Variants in TLE4 observed in about 807,000 individuals in gnomAD.
TLE4 encodes transducin-like enhancer protein 4.
Under a neutral mutation model 92.8 loss-of-function variants are expected in TLE4, and 8 were observed. The observed-to-expected ratio is 0.09, with a 90% CI of 0.05 to 0.16. The LOEUF (loss-of-function observed/expected upper bound fraction) is 0.16, where lower values mean the gene tolerates loss of function less well. Among genes scored for constraint, TLE4 ranks in the 10% least tolerant of loss-of-function variants. TLE4 has a pLI of 1.00. For synonymous variants in TLE4, 371 were observed against 374.1 expected (o/e 0.99, Z 0.10); for missense variants, 675 against 997.6 (o/e 0.68, Z 4.36).
At chr9:79,706,989 T>G (rs2071772086) in intron 11 of TLE4, 90 bp downstream of exon 11, 1 of 1,566,470 alleles carries the variant, frequency 6.4e-7, no homozygotes, top group Middle Eastern at 1.7e-4. Context: ...TCTCACATTT[T>G]TAACAGGACT....
intron 4 of TLE4, among the ~76,000 whole-genome samples, chr9:79,596,687 T>C (rs1303878988): frequency 6.6e-6 from 1 of 152,202 alleles, no homozygotes; most frequent in African/African-American, 2.4e-5. Flanking sequence ...ACTCAATTTG[T>C]AGCACTATCT....
At position 79,652,837 on chromosome 9, in the gene TLE4, G is replaced by C. The variant is rs374210271; in HGVS notation, c.592+43G>C. 6.3e-6 allele frequency: 10 copies of C among 1,575,374 alleles called. No individual in the cohort carries two copies. In the South Asian group the frequency reaches 1.1e-4, roughly 18 times the overall value. On this transcript the variant is annotated intron_variant, in intron 7 of 19. Transcript: ENST00000376552. ...AATGCCAATCTGAGATGACCTACTT[G>C]CTGCTGAGGGTAGGTTCTGGATGCT...
At chr9:79,706,976 A>G in intron 11 of TLE4, 77 bp downstream of exon 11, 2 of 1,572,554 alleles carry the variant, frequency 1.3e-6, no homozygotes, top group Non-Finnish European at 1.7e-6. Context: ...TTATCTTTAT[A>G]TTTCTCACAT....
chr9:79,589,720 T>G (rs2042070868), intron 4 of TLE4, among the ~76,000 whole-genome samples: 2 of 152,218 alleles, frequency 1.3e-5, no homozygotes, highest in Non-Finnish European at 2.9e-5. Flanking sequence ...CTCAGTCATT[T>G]TAACCATTCT....
At chr9:79,712,868 G>A (rs2073674195) in intron 14 of TLE4, among the ~76,000 whole-genome samples, 1 of 152,174 alleles carries the variant, frequency 6.6e-6, no homozygotes, top group Non-Finnish European at 1.5e-5. Flanking sequence ...GATGTGACAT[G>A]TGAACACAGC....
intron 4 of TLE4, among the ~76,000 whole-genome samples, chr9:79,588,136 G>A (rs552363618): frequency 7.6e-5 from 3 of 39,716 alleles, no homozygotes; most frequent in East Asian, 8.2e-4. Flanking sequence ...TTATCCTTGC[G>A]TGTGTGTGTG....
intron 6 of TLE4, among the ~76,000 whole-genome samples, chr9:79,650,320 C>T (rs1338761977): frequency 6.6e-6 from 1 of 152,004 alleles, no homozygotes; most frequent in Non-Finnish European, 1.5e-5. Flanking sequence ...GAGATGTAGA[C>T]TCATAGAGCT....
rs747608536 is a variant in TLE4 at position 79,652,563 on chromosome 9, T to G, written c.391-30T>G. 1.8e-5 allele frequency: 29 copies of G among 1,612,956 alleles called. No homozygotes were observed. The Admixed American group carries it at 4.8e-4, about 27-fold the overall frequency. The stretch of plus-strand genomic sequence containing the variant: ...GCAGGGGTTGGATATGGGGGCAAAT[T>G]CAATATCTGTGTTTAATTTTTCACA... On this transcript the variant is annotated intron_variant, in intron 6 of 19. Transcript: ENST00000376552.
intron 8 of TLE4, among the ~76,000 whole-genome samples, chr9:79,674,916 C>T (rs745800997): frequency 2.6e-5 from 4 of 152,168 alleles, no homozygotes; most frequent in Admixed American, 6.5e-5. Context: ...AAGATTTTAA[C>T]TTGTAGCCTC....
At chr9:79,628,607 A>T (rs967810148) in intron 6 of TLE4, among the ~76,000 whole-genome samples, 1 of 152,038 alleles carries the variant, frequency 6.6e-6, no homozygotes, top group Non-Finnish European at 1.5e-5. Context: ...AAACAAAAAA[A>T]ACCTGGTAGG....
chr9:79,662,759 A>G (rs1265180549), intron 8 of TLE4, among the ~76,000 whole-genome samples: 2 of 152,206 alleles, frequency 1.3e-5, no homozygotes, highest in African/African-American at 4.8e-5. Flanking sequence ...CCCGTGCCAC[A>G]AAAGGGCTGG....
At position 79,725,804 on chromosome 9, in the gene TLE4, A is replaced by T. The variant is rs1371319366; in HGVS notation, c.*660A>T. The T allele has an allele frequency of 6.6e-6, 1 of 152,646 alleles. No individual in the cohort carries two copies. Among genetic ancestry groups the T allele is most frequent in the Non-Finnish European group, 1.5e-5 (1 of 68,032 alleles). 9.5% of individuals were successfully genotyped at this position (152,646 alleles called of 1,614,324 possible). A position where few individuals can be genotyped will look rare whatever the true frequency, so the allele number is the denominator to read the frequency against. On this transcript the variant is annotated 3_prime_UTR_variant, in exon 20 of 20. Transcript: ENST00000376552. ...TTAACCAATATATCTATAGCTTTAG[A>T]TTATATTCGATAAAAGTAATTGGAC...
intron 5 of TLE4, among the ~76,000 whole-genome samples, chr9:79,623,585 A>T (rs2051624438): frequency 6.6e-6 from 1 of 152,066 alleles, no homozygotes; most frequent in African/African-American, 2.4e-5. Flanking sequence ...TTTTAAAAAA[A>T]TTATTTTTAC....
Position 79,722,940 on chromosome 9 carries a change from C to T in TLE4, c.2138-19C>T. On this transcript the variant is annotated intron_variant, in intron 18 of 19. Coordinates refer to ENST00000376552, the MANE Select transcript of TLE4 (RefSeq NM_007005.6). ...AGAGTAACACAAACATTGCCTTTTT[C>T]AAAACCCTTTACCTATAGGCAAATG... 6.2e-7 allele frequency: 1 copy of T among 1,610,980 alleles called. No individual in the cohort carries two copies. Among genetic ancestry groups the T allele is most frequent in the Non-Finnish European group, 8.5e-7 (1 of 1,178,814 alleles).
At chr9:79,688,744 A>T (rs1438017747) in intron 8 of TLE4, among the ~76,000 whole-genome samples, 1 of 151,902 alleles carries the variant, frequency 6.6e-6, no homozygotes, top group Non-Finnish European at 1.5e-5. Context: ...ACTTAAAAAG[A>T]AGTTTTATAC....
intron 6 of TLE4, among the ~76,000 whole-genome samples, chr9:79,633,536 A>G (rs1353653452): frequency 1.3e-5 from 2 of 152,162 alleles, no homozygotes; most frequent in African/African-American, 4.8e-5. Flanking sequence ...ATTGGCTTCC[A>G]CTGAGAAGAA....
intron 4 of TLE4, among the ~76,000 whole-genome samples, chr9:79,592,092 T>TTTCTTCTTC (rs557969723): frequency 3.3e-5 from 5 of 151,156 alleles, no homozygotes; most frequent in African/African-American, 4.9e-5. Context: ...TGGAAGAGAG[T>TTTCTTCTTC]TTCTTCTTCT....
intron 13 of TLE4, among the ~76,000 whole-genome samples, 195 bp downstream of exon 13, chr9:79,708,981 G>A (rs2072506456): frequency 6.6e-6 from 1 of 151,964 alleles, no homozygotes; most frequent in Non-Finnish European, 1.5e-5. Flanking sequence ...AACAGCATGC[G>A]CCACCATGCC....
intron 14 of TLE4, among the ~76,000 whole-genome samples, chr9:79,718,393 C>T (rs1421699631): frequency 6.6e-6 from 1 of 152,152 alleles, no homozygotes; most frequent in East Asian, 1.9e-4. Flanking sequence ...GGCTACTGCA[C>T]TTGACGGTGG....
Sources: allele counts gnomAD v4.1 joint callset (sites outside exome capture counted in the v4.1 genomes callset), GRCh38; gene constraint gnomAD v4.1.1; transcripts MANE v1.5; gene names NCBI Gene and HGNC (gene_info 2026-07-23, HGNC 2026-07-21).